ADGRV1: variants seen among roughly 807,000 people sequenced by gnomAD.
ADGRV1 encodes the protein G-protein coupled receptor 98.
A neutral mutation model predicts 596.2 loss-of-function variants in ADGRV1; 359 were observed. The observed-to-expected ratio is 0.60, with a 90% CI of 0.55 to 0.66. ADGRV1 has a LOEUF of 0.66. Ranked by LOEUF, ADGRV1 falls within the 30% of genes least tolerant of loss-of-function variation. ADGRV1 has a pLI of 0.00. For synonymous variants in ADGRV1, 2,681 were observed against 2,679.2 expected, an observed-to-expected ratio of 1.00 and a Z score of -0.02; for missense variants, 7,274 against 7,575.6, an observed-to-expected ratio of 0.96 and a Z score of 1.48.
chr5:90,765,839 G>A (rs1056895875), intron 59 of ADGRV1, among the ~76,000 whole-genome samples: 1 of 150,448 alleles, frequency 6.6e-6, no homozygotes, highest in Non-Finnish European at 1.5e-5. Flanking sequence ...GAGTAACTGG[G>A]ACTACAGGCA....
At chr5:90,924,532 G>A (rs1477730973) in intron 83 of ADGRV1, among the ~76,000 whole-genome samples, 3 of 150,506 alleles carry the variant, frequency 2.0e-5, no homozygotes, top group South Asian at 4.3e-4. Flanking sequence ...CTGGATATTA[G>A]CCCTTTGTCA....
chr5:91,140,521 C>T (rs192227696), intron 87 of ADGRV1, among the ~76,000 whole-genome samples: 156 of 152,190 alleles, frequency 1.0e-3, no homozygotes, highest in African/African-American at 2.9e-3. Context: ...TATTGAAAGA[C>T]AATACCAACT....
chr5:90,784,107 T>A, intron 67 of ADGRV1, 50 bp downstream of exon 67: 1 of 1,192,088 alleles, frequency 8.4e-7, no homozygotes, highest in Non-Finnish European at 1.2e-6. Context: ...ATAGACTGAG[T>A]ATGGTAGTGT....
chr5:90,737,729 C>T (rs1753433012), intron 50 of ADGRV1, among the ~76,000 whole-genome samples: 1 of 151,872 alleles, frequency 6.6e-6, no homozygotes, highest in African/African-American at 2.4e-5. Flanking sequence ...TCTATTTTAC[C>T]TGATATAAGT....
At chr5:90,888,443 T>TA (rs1770506327) in intron 83 of ADGRV1, among the ~76,000 whole-genome samples, 1 of 152,120 alleles carries the variant, frequency 6.6e-6, no homozygotes, top group African/African-American at 2.4e-5. Flanking sequence ...AACTAAAATA[T>TA]AAAATAGCAA....
chr5:91,154,206 G>C (rs1796283499), intron 89 of ADGRV1, among the ~76,000 whole-genome samples: 1 of 152,146 alleles, frequency 6.6e-6, no homozygotes, highest in East Asian at 1.9e-4. Flanking sequence ...ATGTTGAACT[G>C]ACACTTATAA....
chr5:90,726,132 G>A (rs549081206), intron 48 of ADGRV1, among the ~76,000 whole-genome samples: 16 of 152,286 alleles, frequency 1.1e-4, no homozygotes, highest in African/African-American at 3.6e-4. Context: ...CCTTGTTGAA[G>A]TGAAAGCTAC....
At chr5:90,994,691 C>G (rs1013898529) in intron 85 of ADGRV1, among the ~76,000 whole-genome samples, 4 of 152,126 alleles carry the variant, frequency 2.6e-5, no homozygotes, top group Non-Finnish European at 5.9e-5. Flanking sequence ...ATTTTTCTCT[C>G]AGGATTTGTT....
Position 90,979,856 on chromosome 5 carries a change from CA to C in ADGRV1, c.17974-5485del, listed in dbSNP as rs1306339038. On this transcript the variant is annotated intron_variant, in intron 84 of 89. Transcript: ENST00000405460. Reference sequence around the variant, plus strand: ...CAGTTTATCCATTGCAGAACCATGTCAAAGACCCAAATCAAGTTACTAATAA... The same window carrying C: ...CAGTTTATCCATTGCAGAACCATGTCAAGACCCAAATCAAGTTACTAATAA... 3.9e-5 allele frequency among the ~76,000 whole-genome samples: 6 copies of C among 152,276 alleles called. No individual in the cohort carries two copies. In the South Asian group the frequency reaches 6.2e-4, roughly 16 times the overall value.
chr5:90,829,255 A>G, intron 77 of ADGRV1, 69 bp downstream of exon 77: 1 of 1,185,172 alleles, frequency 8.4e-7, no homozygotes, highest in Non-Finnish European at 1.1e-6. Context: ...GAGTAATGAC[A>G]TAGGGAATAA....
intron 1 of ADGRV1, among the ~76,000 whole-genome samples, chr5:90,602,338 G>C (rs1486839535): frequency 2.0e-5 from 3 of 152,198 alleles, no homozygotes; most frequent in Non-Finnish European, 2.9e-5. Flanking sequence ...TCCTTCCAAA[G>C]TAGTTGGTAT....
chr5:90,656,769 A>G lies in ADGRV1; in HGVS notation c.4379-1136A>G, dbSNP rs558670981. The stretch of plus-strand genomic sequence containing the variant: ...ACTTTTTTTTCCAGAATCTCTGCCA[A>G]TATCTCATCTTGCCTAAAGATCTTA... On this transcript the variant is annotated intron_variant, in intron 20 of 89. Coordinates refer to ENST00000405460, the MANE Select transcript of ADGRV1 (RefSeq NM_032119.4). Among the ~76,000 whole-genome samples, 470 of 152,346 alleles carry G rather than the reference A, an allele frequency of 3.1e-3. 1 individual carries two copies. The highest frequency in any genetic ancestry group is 0.011 in the African/African-American group (454 of 41,578).
chr5:90,699,927 A>G (rs1296191969), intron 34 of ADGRV1, among the ~76,000 whole-genome samples: 1 of 152,178 alleles, frequency 6.6e-6, no homozygotes, highest in South Asian at 2.1e-4. Flanking sequence ...ATCAATCTAA[A>G]ACACCAAATT....
intron 1 of ADGRV1, among the ~76,000 whole-genome samples, chr5:90,593,716 G>C (rs868489476): frequency 6.6e-6 from 1 of 151,656 alleles, no homozygotes; most frequent in East Asian, 1.9e-4. Context: ...AATACCACCT[G>C]TTCTCCCGAA....
At chr5:90,729,037 A>T in intron 49 of ADGRV1, 104 bp downstream of exon 49, 1 of 764,044 alleles carries the variant, frequency 1.3e-6, no homozygotes, top group South Asian at 2.4e-5. Flanking sequence ...TTTTTTACTA[A>T]TCCATAGAAT....
chr5:90,807,410 G>A (rs546372851), intron 72 of ADGRV1, among the ~76,000 whole-genome samples, 192 bp from the exon 73 acceptor site: 2 of 152,046 alleles, frequency 1.3e-5, no homozygotes, highest in Non-Finnish European at 2.9e-5. Flanking sequence ...AAGTAAACAG[G>A]GACCGAAAGC....
rs151142166 is a variant in ADGRV1, at chr5:90,902,006, T to C, written c.17856+38149T>C. On this transcript the variant is annotated intron_variant, in intron 83 of 89. Transcript: ENST00000405460. ...CAGAAGTCCAGGTGAAAGATGGTGC[T>C]GATTTTAACTAGGAGATTAGTAGTG... Among the ~76,000 whole-genome samples the C allele has an allele frequency of 3.2e-3, 482 of 152,228 alleles. 2 individuals are homozygous for C. Among genetic ancestry groups the C allele is most frequent in the African/African-American group, 0.011 (451 of 41,560 alleles).
chr5:91,001,375 G>C (rs1781845259), intron 85 of ADGRV1, among the ~76,000 whole-genome samples: 1 of 152,042 alleles, frequency 6.6e-6, no homozygotes, highest in Non-Finnish European at 1.5e-5. Flanking sequence ...ACTGCACCTG[G>C]CCATTTTTCA....
chr5:90,689,332 CTTTTTT>C (rs34756274), intron 29 of ADGRV1, among the ~76,000 whole-genome samples: 1 of 104,438 alleles, frequency 9.6e-6, no homozygotes, highest in Non-Finnish European at 1.8e-5. Context: ...CCCCACCCAC[CTTTTTT>C]TTTTTTTTTT....
Sources: allele counts gnomAD v4.1 joint callset (sites outside exome capture counted in the v4.1 genomes callset), GRCh38; gene constraint gnomAD v4.1.1; transcripts MANE v1.5; gene names NCBI Gene and HGNC (gene_info 2026-07-23, HGNC 2026-07-21).